VANGL2: variants seen among roughly 807,000 people sequenced by gnomAD.
VANGL2 encodes the protein vang-like protein 2.
A neutral mutation model predicts 50.2 loss-of-function variants in VANGL2; 14 were observed. The ratio of observed to expected loss-of-function variants is 0.28; its 90% CI spans 0.18 to 0.44. VANGL2 has a LOEUF of 0.44. Ranked by LOEUF, VANGL2 falls within the 20% of genes least tolerant of loss-of-function variation. VANGL2 has a pLI of 1.00. For synonymous variants in VANGL2, 295 were observed against 297.2 expected (o/e 0.99, Z 0.08); for missense variants, 533 against 701.5 (o/e 0.76, Z 2.71).
intron 7 of VANGL2, 134 bp from the exon 8 acceptor site, chr1:160,424,984 T>C: frequency 1.6e-6 from 2 of 1,260,816 alleles, no homozygotes. Flanking sequence ...TGCTGTAACA[T>C]TCTGAGGTTC....
chr1:160,409,781 C>T (rs933740495), intron 1 of VANGL2, among the ~76,000 whole-genome samples: 2 of 152,214 alleles, frequency 1.3e-5, no homozygotes, highest in African/African-American at 4.8e-5. Flanking sequence ...GAGCTAGCTC[C>T]TGGGATCCTG....
At chr1:160,424,868 A>G (rs934751095) in intron 7 of VANGL2, among the ~76,000 whole-genome samples, 3 of 152,144 alleles carry the variant, frequency 2.0e-5, no homozygotes, top group Non-Finnish European at 4.4e-5. Flanking sequence ...GATGGGGGTC[A>G]GGGGAGCCGA....
rs1651482348 is a variant in VANGL2, at chr1:160,427,121, GC to G, written c.*1745del. 6.5e-6 allele frequency: 1 copy of G among 152,806 alleles called. No homozygotes were observed. Among genetic ancestry groups the G allele is most frequent in the African/African-American group, 2.4e-5 (1 of 41,474 alleles). 9.5% of individuals were successfully genotyped at this position (152,806 alleles called of 1,614,324 possible). A position where few individuals can be genotyped will look rare whatever the true frequency, so the allele number is the denominator to read the frequency against. ...CACTTAGGCAGGGCCTCTGGCTGGG[GC>G]CAGGGTTATGAGATAGGCCTGTATG... On this transcript the variant is annotated 3_prime_UTR_variant, in exon 8 of 8. Transcript: ENST00000368061.
At position 160,419,376 on chromosome 1, in the gene VANGL2, T is replaced by A. The variant is rs1336443261; in HGVS notation, c.567T>A (p.Val189=). ...TGCGTGCCCTGCTTATGGTGCTGGTTTTCCTGCTCGTGGTCTCCTACTGGC... is the reference window on the plus strand; with the variant it reads ...TGCGTGCCCTGCTTATGGTGCTGGTATTCCTGCTCGTGGTCTCCTACTGGC... ...FVLRALLMVL[V]FLLVVSYWLF... is the part of the protein sequence containing the mutation. Residue 189 remains valine (V), a synonymous_variant, in exon 4 of 8, where the codon GTT becomes GTA. Transcript: ENST00000368061. This position sits in a 1 kb window ranked among gnomAD's most constrained non-coding sequence, Gnocchi z 5.8. 4.3e-6 allele frequency: 7 copies of A among 1,612,438 alleles called. No homozygotes were observed. The highest frequency in any genetic ancestry group is 5.9e-6 in the Non-Finnish European group (7 of 1,180,016).
At chr1:160,418,886 C>T (rs1486838755) in intron 3 of VANGL2, 116 bp from the exon 4 acceptor site, 4 of 1,329,412 alleles carry the variant, frequency 3.0e-6, no homozygotes, top group Non-Finnish European at 4.1e-6. Context: ...TCTGCCTTCT[C>T]CTTTCCCATG....
At chr1:160,418,968 C>G in intron 3 of VANGL2, 34 bp from the exon 4 acceptor site, 1 of 1,589,540 alleles carries the variant, frequency 6.3e-7, no homozygotes. Flanking sequence ...ATCCTTTCCT[C>G]CTTATTGTGT....
chr1:160,410,811 G>A (rs1417382039), intron 1 of VANGL2, among the ~76,000 whole-genome samples: 1 of 152,028 alleles, frequency 6.6e-6, no homozygotes, highest in Admixed American at 6.6e-5. Flanking sequence ...TGATCCCAGA[G>A]CTCAGACAAA....
Position 160,419,957 on chromosome 1 carries a change from G to T in VANGL2, c.800+348G>T, listed in dbSNP as rs905369003. ...ATCCCTTTTCTAGTCCTTTCTGGGA[G>T]GCGCAGCTTCTTGTGAGCACTCAGA... On this transcript the variant is annotated intron_variant, in intron 4 of 7. Coordinates refer to ENST00000368061, the MANE Select transcript of VANGL2 (RefSeq NM_020335.3). The surrounding 1 kb of genome is among the most constrained non-coding windows in gnomAD (Gnocchi z 5.8). 1.6e-4 allele frequency among the ~76,000 whole-genome samples: 24 copies of T among 152,120 alleles called. No homozygotes were observed. The highest frequency in any genetic ancestry group is 9.8e-4 in the Admixed American group (15 of 15,278).
At chr1:160,417,219 C>T (rs968693077) in intron 3 of VANGL2, among the ~76,000 whole-genome samples, 2 of 152,150 alleles carry the variant, frequency 1.3e-5, no homozygotes, top group African/African-American at 4.8e-5. Flanking sequence ...AGACTCGTTC[C>T]CCATCCTGTA....
intron 1 of VANGL2, among the ~76,000 whole-genome samples, chr1:160,407,216 G>A (rs1019878609): frequency 6.6e-6 from 1 of 152,242 alleles, no homozygotes; most frequent in Non-Finnish European, 1.5e-5. Context: ...AGCAAAGAGT[G>A]AGAATCTCAG....
At chr1:160,423,990 G>C (rs1651361010) in intron 6 of VANGL2, 62 bp from the exon 7 acceptor site, 2 of 1,582,898 alleles carry the variant, frequency 1.3e-6, no homozygotes, top group Admixed American at 3.3e-5. Context: ...GGAGCTAGGG[G>C]AGAGGGGTGG....
chr1:160,418,938 T>C (rs906595032), intron 3 of VANGL2, 64 bp from the exon 4 acceptor site: 53 of 1,546,712 alleles, frequency 3.4e-5, no homozygotes, highest in Non-Finnish European at 4.3e-5. Context: ...TTCTCCTGTT[T>C]CCCTCCTCTT....
intron 1 of VANGL2, among the ~76,000 whole-genome samples, chr1:160,410,353 C>G (rs903686231): frequency 6.6e-6 from 1 of 152,184 alleles, no homozygotes; most frequent in Admixed American, 6.5e-5. Flanking sequence ...TCCCTGCCCC[C>G]CTTTTCTTCC....
chr1:160,404,078 G>C (rs974932508), intron 1 of VANGL2, among the ~76,000 whole-genome samples: 1 of 152,194 alleles, frequency 6.6e-6, no homozygotes, highest in African/African-American at 2.4e-5. Flanking sequence ...TGGATGGTTC[G>C]GATTCTGAGG....
At chr1:160,407,109 A>G (rs1650702311) in intron 1 of VANGL2, among the ~76,000 whole-genome samples, 1 of 152,200 alleles carries the variant, frequency 6.6e-6, no homozygotes, top group East Asian at 1.9e-4. Flanking sequence ...GTCACTTAAA[A>G]AACAACAGAC....
Position 160,421,207 on chromosome 1 carries a change from G to T in VANGL2, c.1073+20G>T. ...GGCCAGGTGGGTCCCTGGGGGAGAA[G>T]AGGAGAGGAGGTGCTTGTTGGGTGA... On this transcript the variant is annotated intron_variant, in intron 6 of 7. Coordinates refer to ENST00000368061, the MANE Select transcript of VANGL2 (RefSeq NM_020335.3). 6.2e-7 allele frequency: 1 copy of T among 1,612,096 alleles called. No individual in the cohort carries two copies. The highest frequency in any genetic ancestry group is 1.1e-5 in the South Asian group (1 of 90,968).
At chr1:160,424,823 C>T (rs1459125895) in intron 7 of VANGL2, among the ~76,000 whole-genome samples, 1 of 152,066 alleles carries the variant, frequency 6.6e-6, no homozygotes. Flanking sequence ...GAGGGCTTGC[C>T]CAGGTCACAG....
intron 1 of VANGL2, among the ~76,000 whole-genome samples, chr1:160,411,311 T>C (rs112617889): frequency 0.014 from 2,070 of 151,962 alleles, 52 homozygotes; most frequent in African/African-American, 0.047. Flanking sequence ...GGCAGCTCCC[T>C]GTCCTGCACC....
chr1:160,415,959 G>A (rs746377089), intron 2 of VANGL2, 51 bp downstream of exon 2: 1 of 1,614,150 alleles, frequency 6.2e-7, no homozygotes, highest in Non-Finnish European at 8.5e-7. Context: ...GTTGGGGGCT[G>A]TTAAGAGGTG....
Sources: gnomAD v4.1 joint callset for allele counts (sites outside exome capture counted in the v4.1 genomes callset) on GRCh38, gnomAD v4.1.1 for gene constraint, Gnocchi (gnomAD v3.1) non-coding constraint, MANE v1.5 for transcripts, NCBI Gene and HGNC (gene_info 2026-07-23, HGNC 2026-07-21) for gene names.